The following DAPP1 variants were observed in gnomAD, a reference collection of about 807,000 sequenced individuals.
The protein encoded by DAPP1 is dual adapter for phosphotyrosine and 3-phosphotyrosine and 3-phosphoinositide.
A neutral mutation model predicts 41.5 loss-of-function variants in DAPP1; 20 were observed. That is an observed-to-expected ratio of 0.48 (90% CI 0.34 to 0.70). The LOEUF is 0.70. Among genes scored for constraint, DAPP1 ranks in the 30% least tolerant of loss-of-function variants. The pLI, the probability that DAPP1 is intolerant of heterozygous loss-of-function variation, is 0.01. For synonymous variants in DAPP1, 113 were observed against 116.2 expected, an observed-to-expected ratio of 0.97 and a Z score of 0.18; for missense variants, 233 against 333.4, an observed-to-expected ratio of 0.70 and a Z score of 2.35.
intron 2 of DAPP1, among the ~76,000 whole-genome samples, chr4:99,837,356 G>A (rs1417513609): frequency 2.6e-5 from 4 of 152,154 alleles, no homozygotes; most frequent in Non-Finnish European, 5.9e-5. Flanking sequence ...CCCATTCCTG[G>A]AACAGTGAAA....
At chr4:99,864,486 C>A (rs1490073994) in intron 7 of DAPP1, among the ~76,000 whole-genome samples, 1 of 151,802 alleles carries the variant, frequency 6.6e-6, no homozygotes, top group Non-Finnish European at 1.5e-5. Flanking sequence ...TTCCTAAAGA[C>A]TTTAGTATGT....
At chr4:99,853,163 T>C (rs1251291484) in intron 3 of DAPP1, 55 bp from the exon 4 acceptor site, 1 of 1,598,622 alleles carries the variant, frequency 6.3e-7, no homozygotes, top group Non-Finnish European at 8.5e-7. Flanking sequence ...CAGTTAGCAT[T>C]TGGACCTTCC....
In DAPP1 at chr4:99,849,579, C is replaced by A. The variant is rs1028196607; in HGVS notation, c.359-3639C>A. 2.5e-4 allele frequency among the ~76,000 whole-genome samples: 38 copies of A among 152,182 alleles called. 1 individual carries two copies. The highest frequency in any genetic ancestry group is 8.8e-5 in the Non-Finnish European group (6 of 68,038). ...TCAGGCAGCAGCCCAGCCCAGAGATCCTTACCCTGCAGCGCAACTGGCCCC... is the reference window on the plus strand; with the variant it reads ...TCAGGCAGCAGCCCAGCCCAGAGATACTTACCCTGCAGCGCAACTGGCCCC... On this transcript the variant is annotated intron_variant, in intron 3 of 8. Coordinates refer to ENST00000512369, the MANE Select transcript of DAPP1 (RefSeq NM_014395.3).
chr4:99,859,639 A>T (rs1341805466), intron 4 of DAPP1, among the ~76,000 whole-genome samples: 2 of 152,134 alleles, frequency 1.3e-5, no homozygotes, highest in Non-Finnish European at 2.9e-5. Context: ...GAATATAAGC[A>T]ATCTCCCATT....
chr4:99,847,877 C>T (rs978123386), intron 3 of DAPP1, among the ~76,000 whole-genome samples: 1 of 151,802 alleles, frequency 6.6e-6, no homozygotes, highest in Non-Finnish European at 1.5e-5. Context: ...ACAGTGGCGC[C>T]ATCTCGGCTC....
chr4:99,824,974 C>G (rs543199490), intron 1 of DAPP1, among the ~76,000 whole-genome samples: 4 of 152,348 alleles, frequency 2.6e-5, no homozygotes, highest in African/African-American at 4.8e-5. Context: ...AGTAGTGGCT[C>G]TGTCCCTCAG....
At position 99,853,102 on chromosome 4, in the gene DAPP1, GAGGGA is replaced by G. The variant is rs1723921487; in HGVS notation, c.359-114_359-110del. On this transcript the variant is annotated intron_variant, in intron 3 of 8. Coordinates refer to ENST00000512369, the MANE Select transcript of DAPP1 (RefSeq NM_014395.3). ...TTTGATAACTGTTGAGATAATGAGCGAGGGAATACATGAAAAAAACAAAAGACTTT... is the reference window on the plus strand; with the variant it reads ...TTTGATAACTGTTGAGATAATGAGCGATACATGAAAAAAACAAAAGACTTT... 51 of 1,159,294 alleles carry G rather than the reference GAGGGA, an allele frequency of 4.4e-5. No homozygotes were observed. In the East Asian group the frequency reaches 1.3e-3, roughly 29 times the overall value. 71.8% of individuals were successfully genotyped at this position (1,159,294 alleles called of 1,614,324 possible). A position where few individuals can be genotyped will look rare whatever the true frequency, so the allele number is the denominator to read the frequency against.
intron 1 of DAPP1, among the ~76,000 whole-genome samples, chr4:99,828,559 C>T (rs757082378): frequency 9.9e-5 from 15 of 152,090 alleles, no homozygotes; most frequent in Admixed American, 6.5e-5. Context: ...ATGAAGGTTC[C>T]ACTATTCTGG....
chr4:99,844,794 T>G (rs1255144981), intron 3 of DAPP1: 1 of 152,268 alleles, frequency 6.6e-6, no homozygotes, highest in East Asian at 1.9e-4. Flanking sequence ...CTTTTTGTTT[T>G]GATATGGGGA....
At chr4:99,847,074 T>G (rs1372310704) in intron 3 of DAPP1, among the ~76,000 whole-genome samples, 1 of 152,238 alleles carries the variant, frequency 6.6e-6, no homozygotes. Context: ...CTGATTTTAA[T>G]TTAATTCAAC....
intron 2 of DAPP1, among the ~76,000 whole-genome samples, chr4:99,838,055 C>G (rs72684360): frequency 0.019 from 2,883 of 152,246 alleles, 51 homozygotes; most frequent in Non-Finnish European, 0.029. Context: ...TAAAAATGAG[C>G]TTCGCTAGCT....
chr4:99,852,726 A>T (rs902789373), intron 3 of DAPP1, among the ~76,000 whole-genome samples: 1 of 152,194 alleles, frequency 6.6e-6, no homozygotes, highest in Non-Finnish European at 1.5e-5. Context: ...AAACTGATTG[A>T]TAGGAAATAA....
At chr4:99,850,268 G>C (rs757888390) in intron 3 of DAPP1, among the ~76,000 whole-genome samples, 5 of 151,968 alleles carry the variant, frequency 3.3e-5, no homozygotes, top group African/African-American at 7.3e-5. Context: ...AAATTGGCCC[G>C]GTGTGGTGGT....
chr4:99,828,369 G>GT (rs1456083042), intron 1 of DAPP1, among the ~76,000 whole-genome samples: 10 of 152,030 alleles, frequency 6.6e-5, no homozygotes, highest in Non-Finnish European at 1.0e-4. Flanking sequence ...GTAACTTTTT[G>GT]TTTTTTGTGC....
intron 3 of DAPP1, among the ~76,000 whole-genome samples, chr4:99,842,718 T>G (rs559392326): frequency 6.6e-6 from 1 of 152,256 alleles, no homozygotes; most frequent in East Asian, 1.9e-4. Context: ...GAAACTGACA[T>G]GCCACCTTCT....
At chr4:99,838,002 G>C (rs1378838799) in intron 2 of DAPP1, among the ~76,000 whole-genome samples, 1 of 152,128 alleles carries the variant, frequency 6.6e-6, no homozygotes, top group Non-Finnish European at 1.5e-5. Flanking sequence ...CTGATAGGAG[G>C]TGGAGCTCAT....
At chr4:99,838,643 G>T (rs1048484735) in intron 2 of DAPP1, among the ~76,000 whole-genome samples, 4 of 152,182 alleles carry the variant, frequency 2.6e-5, no homozygotes, top group Admixed American at 2.6e-4. Flanking sequence ...TCTGACAGGA[G>T]GCAGAGCTCA....
In DAPP1 at chr4:99,848,611, G is replaced by A. The variant is rs200619296; in HGVS notation, c.359-4607G>A. The stretch of plus-strand genomic sequence containing the variant: ...AAGTTGAACAACCAAGAGACAACAA[G>A]GAATCTGCTTAGTAATCATGGCAAG... On this transcript the variant is annotated intron_variant, in intron 3 of 8. Coordinates refer to ENST00000512369, the MANE Select transcript of DAPP1 (RefSeq NM_014395.3). Among the ~76,000 whole-genome samples the A allele has an allele frequency of 1.2e-4, 18 of 152,284 alleles. No homozygotes were observed. In the East Asian group the frequency reaches 3.3e-3, roughly 28 times the overall value.
chr4:99,863,738 T>C (rs1200901671), intron 6 of DAPP1, 32 bp from the exon 7 acceptor site: 2 of 1,206,998 alleles, frequency 1.7e-6, no homozygotes, highest in African/African-American at 3.1e-5. Context: ...TTTTTTTTAA[T>C]GGTGACATAC....
Sources: gnomAD v4.1 joint callset for allele counts (sites outside exome capture counted in the v4.1 genomes callset) on GRCh38, gnomAD v4.1.1 for gene constraint, MANE v1.5 for transcripts, NCBI Gene and HGNC (gene_info 2026-07-23, HGNC 2026-07-21) for gene names.